The following RANBP17 variants were observed in gnomAD, a reference collection of about 807,000 sequenced individuals.
The protein encoded by RANBP17 is RAN binding protein 17, also known as ran-binding protein 17.
In RANBP17, 158 loss-of-function variants were observed where a neutral mutation model predicts 141.2. The ratio of observed to expected loss-of-function variants is 1.12; its 90% CI spans 0.98 to 1.28. The LOEUF is 1.28. RANBP17 is among the 50% of genes most tolerant of loss of function. The pLI, the probability that RANBP17 is intolerant of heterozygous loss-of-function variation, is 0.00. For synonymous variants in RANBP17, 430 were observed against 450.0 expected, an observed-to-expected ratio of 0.96 and a Z score of 0.56; for missense variants, 1,438 against 1,290.7, an observed-to-expected ratio of 1.11 and a Z score of -1.75.
In RANBP17 at chr5:171,299,642, A is replaced by T. The variant is rs1167389578; in HGVS notation, c.*784A>T. 2 of 229,632 alleles carry T rather than the reference A, an allele frequency of 8.7e-6. No homozygotes were observed. The highest frequency in any genetic ancestry group is 1.7e-5 in the Non-Finnish European group (2 of 115,754). 14.2% of individuals were successfully genotyped at this position (229,632 alleles called of 1,614,324 possible). On this transcript the variant is annotated 3_prime_UTR_variant, in exon 28 of 28. Transcript: ENST00000523189. The stretch of plus-strand genomic sequence containing the variant: ...TTTTTAAGAGAAGGTGAAGGTAACT[A>T]TTAGAATATAATATTTGAAGCAGCT...
chr5:171,164,732 T>G (rs1202396540), intron 14 of RANBP17, among the ~76,000 whole-genome samples: 1 of 152,194 alleles, frequency 6.6e-6, no homozygotes, highest in African/African-American at 2.4e-5. Context: ...GAGAGATGGG[T>G]AACTGGTTAA....
At chr5:170,889,691 C>T (rs567615749) in intron 3 of RANBP17, among the ~76,000 whole-genome samples, 19 of 152,254 alleles carry the variant, frequency 1.2e-4, no homozygotes, top group African/African-American at 4.3e-4. Context: ...GCTTTTGACA[C>T]GCAAAGGACC....
intron 14 of RANBP17, among the ~76,000 whole-genome samples, chr5:171,015,077 G>A (rs766186535): frequency 3.3e-5 from 5 of 151,822 alleles, no homozygotes; most frequent in Non-Finnish European, 7.4e-5. Context: ...TACTCTGTCT[G>A]CTTTCAAAAT....
At chr5:171,198,621 T>C (rs1378601073) in intron 18 of RANBP17, among the ~76,000 whole-genome samples, 3 of 152,190 alleles carry the variant, frequency 2.0e-5, no homozygotes, top group East Asian at 1.9e-4. Context: ...TCAATAGATA[T>C]GGGATGGAAC....
At chr5:171,156,652 G>T (rs1758922318) in intron 14 of RANBP17, among the ~76,000 whole-genome samples, 1 of 152,116 alleles carries the variant, frequency 6.6e-6, no homozygotes, top group Non-Finnish European at 1.5e-5. Context: ...TGTAGCAAGA[G>T]AATTGTTTTA....
intron 14 of RANBP17, among the ~76,000 whole-genome samples, chr5:171,012,015 TTGTTTAAA>T (rs1780073862): frequency 5.9e-5 from 9 of 151,700 alleles, no homozygotes; most frequent in Admixed American, 2.0e-4. Context: ...AGTAATATAT[TTGTTTAAA>T]CAAATAATAT....
chr5:171,176,503 G>C (rs1234705167), intron 16 of RANBP17, among the ~76,000 whole-genome samples: 2 of 152,060 alleles, frequency 1.3e-5, no homozygotes, highest in Non-Finnish European at 2.9e-5. Context: ...ATAAAACACA[G>C]ACCCTGCCCT....
intron 18 of RANBP17, among the ~76,000 whole-genome samples, chr5:171,190,212 G>A (rs1049336374): frequency 6.6e-6 from 1 of 152,108 alleles, no homozygotes; most frequent in African/African-American, 2.4e-5. Context: ...CACATTAATT[G>A]GTATTTACTT....
intron 14 of RANBP17, among the ~76,000 whole-genome samples, chr5:171,021,437 T>C (rs1780849494): frequency 6.6e-6 from 1 of 152,238 alleles, no homozygotes; most frequent in Non-Finnish European, 1.5e-5. Flanking sequence ...TCTTTTCTCA[T>C]AGTCCCATAT....
chr5:171,245,449 G>C (rs1450078451), intron 24 of RANBP17, among the ~76,000 whole-genome samples: 1 of 152,060 alleles, frequency 6.6e-6, no homozygotes, highest in Non-Finnish European at 1.5e-5. Context: ...TGAGTAGCTG[G>C]GATTACAGGC....
At chr5:171,197,557 G>A (rs949587074) in intron 18 of RANBP17, among the ~76,000 whole-genome samples, 1 of 152,162 alleles carries the variant, frequency 6.6e-6, no homozygotes, top group African/African-American at 2.4e-5. Context: ...AAGCTAATCC[G>A]AAGATACTAT....
At chr5:171,199,318 A>G (rs1008913831) in intron 18 of RANBP17, among the ~76,000 whole-genome samples, 21 of 152,136 alleles carry the variant, frequency 1.4e-4, no homozygotes, top group Admixed American at 5.2e-4. Context: ...GGAAAAAAAA[A>G]ACACTGCGTC....
chr5:171,194,834 C>T (rs569652008), intron 18 of RANBP17, among the ~76,000 whole-genome samples: 2 of 152,250 alleles, frequency 1.3e-5, no homozygotes, highest in African/African-American at 4.8e-5. Context: ...TTTACATTTC[C>T]ACCCCTGGAG....
chr5:171,248,799 C>T (rs1461940512), intron 24 of RANBP17, among the ~76,000 whole-genome samples: 3 of 152,176 alleles, frequency 2.0e-5, no homozygotes. Context: ...ACCCAGAGAG[C>T]TGCACTCACC....
At chr5:170,956,443 T>C (rs990846073) in intron 13 of RANBP17, among the ~76,000 whole-genome samples, 36 of 152,146 alleles carry the variant, frequency 2.4e-4, no homozygotes, top group African/African-American at 8.4e-4. Context: ...TGAATATTTT[T>C]AGTTTTTCTA....
At chr5:170,989,320 T>C (rs1778351451) in intron 14 of RANBP17, among the ~76,000 whole-genome samples, 1 of 151,806 alleles carries the variant, frequency 6.6e-6, no homozygotes, top group Non-Finnish European at 1.5e-5. Flanking sequence ...CTTCAGTGAA[T>C]GCTTAACATC....
At chr5:170,925,256 A>C (rs926186712) in intron 12 of RANBP17, among the ~76,000 whole-genome samples, 1 of 152,134 alleles carries the variant, frequency 6.6e-6, no homozygotes, top group Non-Finnish European at 1.5e-5. Flanking sequence ...TTAACTTAAA[A>C]AAATTTTTAG....
chr5:171,285,881 TA>T (rs1350384360), intron 25 of RANBP17, among the ~76,000 whole-genome samples: 1 of 152,234 alleles, frequency 6.6e-6, no homozygotes, highest in Non-Finnish European at 1.5e-5. Flanking sequence ...ATAGACACAT[TA>T]CATGCAGTAC....
intron 8 of RANBP17, among the ~76,000 whole-genome samples, chr5:170,915,631 A>C (rs1305872370): frequency 6.6e-6 from 1 of 151,984 alleles, no homozygotes; most frequent in East Asian, 1.9e-4. Context: ...TCTCACCGTA[A>C]AGTACCTACC....
Sources: allele counts gnomAD v4.1 joint callset (sites outside exome capture counted in the v4.1 genomes callset), GRCh38; gene constraint gnomAD v4.1.1; transcripts MANE v1.5; gene names NCBI Gene and HGNC (gene_info 2026-07-23, HGNC 2026-07-21).